Variants in RNF150 observed in about 807,000 individuals in gnomAD.
RNF150 encodes the protein ring finger protein 150.
In RNF150, 24 loss-of-function variants were observed where a neutral mutation model predicts 39.3. The observed-to-expected ratio is 0.61, with a 90% CI of 0.44 to 0.86. The LOEUF is 0.86. Among genes scored for constraint, RNF150 ranks in the 40% least tolerant of loss-of-function variants. RNF150 has a pLI of 0.00. For missense variants in RNF150, 502 were observed against 587.8 expected, an observed-to-expected ratio of 0.85 and a Z score of 1.51; for synonymous variants, 255 against 227.3, an observed-to-expected ratio of 1.12 and a Z score of -1.10.
chr4:140,887,203 T>C (rs2111218928), intron 6 of RNF150, among the ~76,000 whole-genome samples: 1 of 152,332 alleles, frequency 6.6e-6, no homozygotes, highest in Non-Finnish European at 1.5e-5. Flanking sequence ...ATGATGTTGA[T>C]ACTTGACAAA....
At chr4:141,052,029 T>C (rs369948411) in intron 1 of RNF150, among the ~76,000 whole-genome samples, 1 of 152,120 alleles carries the variant, frequency 6.6e-6, no homozygotes, top group Non-Finnish European at 1.5e-5. Flanking sequence ...AAGTGGATGG[T>C]AGCAGGCAAA....
Position 141,133,018 on chromosome 4 carries a change from G to A in RNF150, c.-210C>T. ...GGCCCCTTCCCCTCTCAGCTGTAGC[G>A]CGGTGGTTGCATTTTGCTTCTTGGG... On this transcript the variant is annotated 5_prime_UTR_variant, in exon 1 of 7. Transcript: ENST00000515673. The A allele has an allele frequency of 2.0e-6, 1 of 494,242 alleles. No individual in the cohort carries two copies. Among genetic ancestry groups the A allele is most frequent in the Non-Finnish European group, 3.5e-6 (1 of 282,156 alleles). 30.6% of individuals were successfully genotyped at this position (494,242 alleles called of 1,614,324 possible). A position where few individuals can be genotyped will look rare whatever the true frequency, so the allele number is the denominator to read the frequency against.
chr4:140,970,305 C>A (rs890667300), intron 1 of RNF150, among the ~76,000 whole-genome samples: 2 of 152,106 alleles, frequency 1.3e-5, no homozygotes, highest in African/African-American at 2.4e-5. Context: ...GATTAGGATG[C>A]AATTTTTTCC....
At chr4:141,130,414 A>T (rs1017766894) in intron 1 of RNF150, among the ~76,000 whole-genome samples, 22 of 150,526 alleles carry the variant, frequency 1.5e-4, no homozygotes, top group African/African-American at 4.9e-4. Flanking sequence ...ACAATTTCCA[A>T]TTTTTTTTTT....
chr4:140,991,710 C>T (rs957115899), intron 1 of RNF150, among the ~76,000 whole-genome samples: 3 of 152,038 alleles, frequency 2.0e-5, no homozygotes, highest in Non-Finnish European at 4.4e-5. Context: ...ACTGATAGAG[C>T]ATCTTTCTAA....
intron 2 of RNF150, among the ~76,000 whole-genome samples, chr4:140,967,196 C>A (rs1164382255): frequency 6.6e-6 from 1 of 152,072 alleles, no homozygotes; most frequent in East Asian, 1.9e-4. Flanking sequence ...CATTATACGC[C>A]ATGTGATACT....
At chr4:141,131,664 G>A (rs1306144549) in intron 1 of RNF150, among the ~76,000 whole-genome samples, 1 of 152,150 alleles carries the variant, frequency 6.6e-6, no homozygotes, top group Non-Finnish European at 1.5e-5. Context: ...ATCAGGCAAA[G>A]GATAATGCAA....
intron 6 of RNF150, among the ~76,000 whole-genome samples, chr4:140,899,974 C>CTCTCTCTCTCTCTCTGTG (rs1365683071): frequency 1.6e-4 from 11 of 69,162 alleles, no homozygotes; most frequent in African/African-American, 4.8e-4. Flanking sequence ...CTCTCTCTCT[C>CTCTCTCTCTCTCTCTGTG]TGTGTGTGTG....
At chr4:141,103,820 C>T (rs984710030) in intron 1 of RNF150, among the ~76,000 whole-genome samples, 2 of 152,112 alleles carry the variant, frequency 1.3e-5, no homozygotes, top group African/African-American at 2.4e-5. Flanking sequence ...CTCAGAAACA[C>T]TAGTGTGGAA....
intron 1 of RNF150, among the ~76,000 whole-genome samples, chr4:141,129,198 T>C (rs1013220428): frequency 1.3e-5 from 2 of 152,208 alleles, no homozygotes; most frequent in Non-Finnish European, 2.9e-5. Flanking sequence ...AATTAAAAGG[T>C]AGAAACAACG....
intron 1 of RNF150, among the ~76,000 whole-genome samples, chr4:141,056,134 G>A (rs1010068131): frequency 1.3e-5 from 2 of 152,088 alleles, no homozygotes; most frequent in Admixed American, 1.3e-4. Context: ...AAGATATCCT[G>A]TTATATATGG....
At chr4:141,039,859 CA>C (rs917584738) in intron 1 of RNF150, among the ~76,000 whole-genome samples, 32 of 152,166 alleles carry the variant, frequency 2.1e-4, no homozygotes, top group Admixed American at 6.6e-4. Context: ...AATTCAGGCC[CA>C]GGGGTGGAGA....
chr4:141,032,018 G>GTA, intron 1 of RNF150, among the ~76,000 whole-genome samples: 1 of 150,908 alleles, frequency 6.6e-6, no homozygotes, highest in South Asian at 2.1e-4. Context: ...GTGTATATAT[G>GTA]TATATATATA....
At chr4:141,085,167 GT>G (rs1208909493) in intron 1 of RNF150, among the ~76,000 whole-genome samples, 3 of 152,214 alleles carry the variant, frequency 2.0e-5, no homozygotes, top group Admixed American at 6.5e-5. Context: ...GCAAAGGCAT[GT>G]CTTACATGGC....
intron 1 of RNF150, among the ~76,000 whole-genome samples, chr4:141,168,130 C>A (rs555457138): frequency 1.3e-5 from 2 of 152,014 alleles, no homozygotes; most frequent in Non-Finnish European, 2.9e-5. Context: ...AAAAAGCGGG[C>A]AAAGGACATG....
chr4:141,178,642 G>T (rs911723182), intron 1 of RNF150, among the ~76,000 whole-genome samples: 1 of 152,096 alleles, frequency 6.6e-6, no homozygotes, highest in Non-Finnish European at 1.5e-5. Context: ...TAGGGTTAGT[G>T]GGGGAGCGGG....
chr4:140,930,347 T>G (rs1035236870), intron 4 of RNF150, among the ~76,000 whole-genome samples: 2 of 152,206 alleles, frequency 1.3e-5, no homozygotes, highest in Non-Finnish European at 2.9e-5. Flanking sequence ...TGTATCTATA[T>G]CTCCATTTCT....
intron 1 of RNF150, among the ~76,000 whole-genome samples, chr4:141,170,987 A>G (rs559812233): frequency 2.0e-5 from 3 of 152,274 alleles, no homozygotes; most frequent in Non-Finnish European, 2.9e-5. Context: ...AGAAGCTGAG[A>G]ACACAAAGAG....
intron 1 of RNF150, among the ~76,000 whole-genome samples, chr4:141,093,861 A>G (rs930063496): frequency 6.6e-6 from 1 of 152,218 alleles, no homozygotes; most frequent in African/African-American, 2.4e-5. Context: ...GAGAATATAA[A>G]ATTAATAGGC....
Sources: gnomAD v4.1 joint callset for allele counts (sites outside exome capture counted in the v4.1 genomes callset) on GRCh38, gnomAD v4.1.1 for gene constraint, MANE v1.5 for transcripts, NCBI Gene and HGNC (gene_info 2026-07-23, HGNC 2026-07-21) for gene names.